ASTN1: variants seen among roughly 807,000 people sequenced by gnomAD.
ASTN1 encodes astrotactin 1.
A neutral mutation model predicts 140.7 loss-of-function variants in ASTN1; 41 were observed. The ratio of observed to expected loss-of-function variants is 0.29; its 90% CI spans 0.23 to 0.38. The LOEUF (loss-of-function observed/expected upper bound fraction) is 0.38. Among genes scored for constraint, ASTN1 ranks in the 10% least tolerant of loss-of-function variants. The probability of loss-of-function intolerance (pLI) is 1.00; values close to 1 mark genes in which losing one functional copy is unlikely to be tolerated. For missense variants in ASTN1, 1,479 were observed against 1,678.8 expected (o/e 0.88, Z 2.08); for synonymous variants, 640 against 652.2 (o/e 0.98, Z 0.29).
intron 16 of ASTN1, among the ~76,000 whole-genome samples, chr1:176,895,973 A>G (rs1669484713): frequency 6.6e-6 from 1 of 152,188 alleles, no homozygotes; most frequent in East Asian, 1.9e-4. Context: ...ACTCATGAAG[A>G]ATGCAATGGA....
chr1:177,056,818 C>A (rs1331268948), intron 2 of ASTN1, among the ~76,000 whole-genome samples: 1 of 152,086 alleles, frequency 6.6e-6, no homozygotes, highest in Admixed American at 6.6e-5. Flanking sequence ...AAATTTAAAT[C>A]CACACAGAGT....
At chr1:176,999,444 C>A (rs1674613389) in intron 8 of ASTN1, among the ~76,000 whole-genome samples, 1 of 152,142 alleles carries the variant, frequency 6.6e-6, no homozygotes, top group South Asian at 2.1e-4. Flanking sequence ...AGGATGAAAT[C>A]TTTGAAATGG....
chr1:177,106,216 T>C (rs1332708518), intron 1 of ASTN1, among the ~76,000 whole-genome samples: 1 of 152,198 alleles, frequency 6.6e-6, no homozygotes, highest in Non-Finnish European at 1.5e-5. Context: ...CTGTAAATAG[T>C]ATTTTTATTA....
In ASTN1 at chr1:176,894,679, C is replaced by G. The variant is rs373198208; in HGVS notation, c.2823G>C (p.Ser941=). Residue 941 remains serine (S), a synonymous_variant, in exon 17 of 23, where the codon TCG becomes TCC. Coordinates refer to ENST00000361833, the MANE Select transcript of ASTN1 (RefSeq NM_004319.3). ...ATGTCACATGACACAGGGGGCAGGA[C>G]GAGGGGCATCGTCCCTTGCTGTGGC... is the stretch of plus-strand genomic sequence containing the variant. ...MECHSKGRCP[S]SCPLCHVTSS... is the part of the protein sequence containing the mutation. The G allele has an allele frequency of 2.5e-6, 4 of 1,614,082 alleles. No homozygotes were observed. Among genetic ancestry groups the G allele is most frequent in the Non-Finnish European group, 3.4e-6 (4 of 1,180,016 alleles).
chr1:176,940,233 G>C (rs1238351182), intron 14 of ASTN1, among the ~76,000 whole-genome samples: 1 of 152,114 alleles, frequency 6.6e-6, no homozygotes, highest in East Asian at 1.9e-4. Flanking sequence ...AACCAGCTCA[G>C]AAAACCAACC....
chr1:177,158,943 T>A (rs957169979), intron 1 of ASTN1, among the ~76,000 whole-genome samples: 29 of 149,644 alleles, frequency 1.9e-4, no homozygotes, highest in African/African-American at 6.9e-4. Flanking sequence ...GGCGGGTGAC[T>A]GTAGTCCCAG....
At chr1:177,126,313 A>T (rs981205704) in intron 1 of ASTN1, among the ~76,000 whole-genome samples, 2 of 152,180 alleles carry the variant, frequency 1.3e-5, no homozygotes, top group Non-Finnish European at 2.9e-5. Context: ...TTTGCTGCTT[A>T]GGAATAGCTA....
intron 16 of ASTN1, among the ~76,000 whole-genome samples, chr1:176,917,065 C>T (rs1055362089): frequency 8.5e-5 from 13 of 152,194 alleles, no homozygotes; most frequent in Non-Finnish European, 1.6e-4. Context: ...TCATTCAGTG[C>T]GGTAGCACTC....
intron 1 of ASTN1, among the ~76,000 whole-genome samples, chr1:177,121,877 G>T (rs1681405282): frequency 6.6e-6 from 1 of 152,188 alleles, no homozygotes; most frequent in African/African-American, 2.4e-5. Flanking sequence ...ACTAATGGAA[G>T]AACTGAAATG....
At chr1:177,137,467 A>C (rs1205834374) in intron 1 of ASTN1, among the ~76,000 whole-genome samples, 1 of 152,236 alleles carries the variant, frequency 6.6e-6, no homozygotes, top group Non-Finnish European at 1.5e-5. Context: ...TATTACTTTG[A>C]AGTATTAATT....
intron 8 of ASTN1, among the ~76,000 whole-genome samples, chr1:176,996,361 T>C (rs1674448520): frequency 6.7e-6 from 1 of 149,872 alleles, no homozygotes; most frequent in Non-Finnish European, 1.5e-5. Flanking sequence ...ATTTCTAACT[T>C]TATAGCAGAT....
At position 176,958,443 on chromosome 1, in the gene ASTN1, G is replaced by T; in HGVS notation, c.1638C>A (p.Leu546=). 1.9e-6 allele frequency: 3 copies of T among 1,613,926 alleles called. No individual in the cohort carries two copies. Among genetic ancestry groups the T allele is most frequent in the Non-Finnish European group, 2.5e-6 (3 of 1,179,934 alleles). The change falls in exon 10 of 23, where the codon CTC becomes CTA. Residue 546 remains leucine, a synonymous_variant. Transcript: ENST00000361833. ...YTLGEGMWLP[L]SKSFVIPPAE... ...CTGGTGGAATCACAAAGCTCTTGCT[G>T]AGGGGCAACCACATGCCCTCCCCAA...
intron 8 of ASTN1, among the ~76,000 whole-genome samples, chr1:176,983,307 C>G (rs746832127): frequency 6.6e-5 from 10 of 152,154 alleles, no homozygotes; most frequent in Non-Finnish European, 1.5e-4. Flanking sequence ...CTCCAGCACT[C>G]CCACTGGACT....
intron 17 of ASTN1, among the ~76,000 whole-genome samples, chr1:176,888,746 C>A (rs1471746874): frequency 6.6e-6 from 1 of 152,140 alleles, no homozygotes; most frequent in Non-Finnish European, 1.5e-5. Context: ...CTTAGTAAAT[C>A]ATGAACAGGA....
intron 16 of ASTN1, among the ~76,000 whole-genome samples, chr1:176,932,726 T>C (rs1177219495): frequency 6.6e-6 from 1 of 152,200 alleles, no homozygotes; most frequent in African/African-American, 2.4e-5. Flanking sequence ...CAGAATTCCC[T>C]CTTGGATTCA....
intron 2 of ASTN1, among the ~76,000 whole-genome samples, chr1:177,033,396 A>G (rs1406720765): frequency 6.6e-6 from 1 of 152,184 alleles, no homozygotes; most frequent in African/African-American, 2.4e-5. Context: ...ACACCACTTA[A>G]CCACCCAGGG....
intron 19 of ASTN1, 31 bp from the exon 20 acceptor site, chr1:176,883,025 T>A: frequency 1.9e-6 from 3 of 1,612,884 alleles, no homozygotes; most frequent in Non-Finnish European, 2.5e-6. Context: ...GGAAAAAGCA[T>A]GAGAAACAAT....
At chr1:176,974,645 A>G (rs1156900235) in intron 8 of ASTN1, among the ~76,000 whole-genome samples, 1 of 152,174 alleles carries the variant, frequency 6.6e-6, no homozygotes, top group Non-Finnish European at 1.5e-5. Context: ...TTGGCCTCCC[A>G]AAGTGCTGGG....
chr1:177,063,082 T>C (rs1245537931), intron 1 of ASTN1, among the ~76,000 whole-genome samples: 2 of 152,212 alleles, frequency 1.3e-5, no homozygotes, highest in East Asian at 1.9e-4. Context: ...AGGGGAAGTA[T>C]GTTCAGGCTT....
Sources: gnomAD v4.1 joint callset for allele counts (sites outside exome capture counted in the v4.1 genomes callset) on GRCh38, gnomAD v4.1.1 for gene constraint, MANE v1.5 for transcripts, NCBI Gene and HGNC (gene_info 2026-07-23, HGNC 2026-07-21) for gene names.